Variants in ACACA observed in about 807,000 individuals in gnomAD.
The protein encoded by ACACA is acetyl-CoA carboxylase 1.
Under a neutral mutation model 296.1 loss-of-function variants are expected in ACACA, and 103 were observed. The ratio of observed to expected loss-of-function variants is 0.35; its 90% CI spans 0.30 to 0.41. The LOEUF is 0.41. Among genes scored for constraint, ACACA ranks in the 10% least tolerant of loss-of-function variants. ACACA has a pLI of 1.00. For missense variants in ACACA, 1,554 were observed against 2,989.7 expected (o/e 0.52, Z 11.20); for synonymous variants, 953 against 1,038.6 (o/e 0.92, Z 1.58).
In ACACA at chr17:37,179,273, G is replaced by A. The variant is rs2077231352; in HGVS notation, c.5066C>T (p.Pro1689Leu). Residue 1689 changes from proline to leucine, a missense_variant, in exon 41 of 56, where the codon CCA (proline) becomes CTA (leucine). Transcript: ENST00000616317. ...TCAACTACTTGCCTCATTTCCTCCT[G>A]GAAGCCTGTTCATGTGGACCAGCTG... Reference protein sequence around the residue: ...QGQLVHMNRLPGGNEIGMVAW... With the variant: ...QGQLVHMNRLLGGNEIGMVAW... 6.2e-7 allele frequency: 1 copy of A among 1,613,938 alleles called. No homozygotes were observed. The highest frequency in any genetic ancestry group is 1.1e-5 in the South Asian group (1 of 91,080).
chr17:37,379,072 A>G, intron 1 of ACACA: 17 of 1,520,348 alleles, frequency 1.1e-5, no homozygotes, highest in Non-Finnish European at 1.5e-5. Context: ...GCACCGTCTC[A>G]AAAAAACCAA....
intron 54 of ACACA, among the ~76,000 whole-genome samples, chr17:37,093,169 A>C (rs1468815515): frequency 6.6e-6 from 1 of 152,204 alleles, no homozygotes. Context: ...AGTGGAAATA[A>C]GTGACCCTGT....
rs575054791 is a variant in ACACA, at chr17:37,358,910, G to A, written c.39-19060C>T. On this transcript the variant is annotated intron_variant, in intron 1 of 55. Coordinates refer to ENST00000616317, the MANE Select transcript of ACACA (RefSeq NM_198834.3). ...CCGCGTGCGGGTGAGCGGAGGCTGG[G>A]AGGCGGCCCCCTGCCTGCCGCCGCC... is the stretch of plus-strand genomic sequence containing the variant. The A allele has an allele frequency of 6.8e-5, 67 of 980,738 alleles. 2 individuals are homozygous for A. The South Asian group carries it at 3.1e-3, about 45-fold the overall frequency. The allele number at this position is 980,738 out of a possible 1,614,324, so 60.8% of individuals were successfully genotyped here.
chr17:37,367,992 G>A (rs934453203), intron 1 of ACACA, among the ~76,000 whole-genome samples: 5 of 151,846 alleles, frequency 3.3e-5, no homozygotes, highest in East Asian at 3.9e-4. Context: ...GCTTGAACCC[G>A]GGAGGCGGAG....
chr17:37,269,271 G>A lies in ACACA; in HGVS notation c.1119+1480C>T, dbSNP rs998644267. Reference sequence around the variant, plus strand: ...TTATAGGCATAAGCCACCAATCCTGGCCAAGACAACACCTTTATCACTTCC... The same window carrying A: ...TTATAGGCATAAGCCACCAATCCTGACCAAGACAACACCTTTATCACTTCC... On this transcript the variant is annotated intron_variant, in intron 10 of 55. Transcript: ENST00000616317. Among the ~76,000 whole-genome samples, 4 of 152,062 alleles carry A rather than the reference G, an allele frequency of 2.6e-5. No individual in the cohort carries two copies. The South Asian group carries it at 6.2e-4, about 24-fold the overall frequency.
chr17:37,199,964 G>C (rs955391184), intron 35 of ACACA, among the ~76,000 whole-genome samples, 175 bp downstream of exon 35: 2 of 152,130 alleles, frequency 1.3e-5, no homozygotes, highest in South Asian at 2.1e-4. Context: ...CAATTTTCCT[G>C]ACTCAGCCTC....
chr17:37,211,078 C>T (rs775939059), intron 29 of ACACA, among the ~76,000 whole-genome samples: 3 of 152,116 alleles, frequency 2.0e-5, no homozygotes, highest in Admixed American at 2.0e-4. Flanking sequence ...TACTCTTCCT[C>T]CCATGAAGGA....
At position 37,406,360 on chromosome 17, in the gene ACACA, AAAG is replaced by A. The variant is rs2051509851; in HGVS notation, c.-64_-62del. On this transcript the variant is annotated 5_prime_UTR_variant, in exon 1 of 56. Coordinates refer to ENST00000616317, the MANE Select transcript of ACACA (RefSeq NM_198834.3). ...GCCCAAAGAGGGGATGGTTCTTTCCAAAGAAGACAATTTCGACGTTCCAGGAGC... is the reference window on the plus strand; with the variant it reads ...GCCCAAAGAGGGGATGGTTCTTTCCAAAGACAATTTCGACGTTCCAGGAGC... The A allele has an allele frequency of 6.3e-7, 1 of 1,581,248 alleles. No homozygotes were observed. The highest frequency in any genetic ancestry group is 8.7e-7 in the Non-Finnish European group (1 of 1,150,228).
At chr17:37,112,582 AC>A (rs2074035586) in intron 51 of ACACA, among the ~76,000 whole-genome samples, 1 of 152,048 alleles carries the variant, frequency 6.6e-6, no homozygotes, top group African/African-American at 2.4e-5. Flanking sequence ...AAAATAATAA[AC>A]CCCTAAGTAC....
Position 37,270,680 on chromosome 17 carries a change from TA to T in ACACA, c.1119+70del, listed in dbSNP as rs1477565840. ...AAATATTTTCTGGGCATCCAAATTA[TA>T]GTATGAGTTAAATCATATATCTCTG... On this transcript the variant is annotated intron_variant, in intron 10 of 55. Transcript: ENST00000616317. 2.6e-6 allele frequency: 3 copies of T among 1,163,716 alleles called. No homozygotes were observed. In the African/African-American group the frequency reaches 4.6e-5, roughly 18 times the overall value. The allele number at this position is 1,163,716 out of a possible 1,614,324, so 72.1% of individuals were successfully genotyped here. A position where few individuals can be genotyped will look rare whatever the true frequency, so the allele number is the denominator to read the frequency against.
At chr17:37,286,372 G>T (rs2082772546) in intron 3 of ACACA, among the ~76,000 whole-genome samples, 1 of 152,044 alleles carries the variant, frequency 6.6e-6, no homozygotes, top group African/African-American at 2.4e-5. Flanking sequence ...TGTTCTCTTT[G>T]TAAAATATGC....
intron 25 of ACACA, among the ~76,000 whole-genome samples, chr17:37,228,471 C>G (rs2079661715): frequency 6.6e-6 from 1 of 151,978 alleles, no homozygotes; most frequent in Non-Finnish European, 1.5e-5. Flanking sequence ...TCTGTTCTAC[C>G]TATCCTAGGC....
chr17:37,403,673 C>G (rs1026676051), intron 1 of ACACA, among the ~76,000 whole-genome samples: 1 of 152,170 alleles, frequency 6.6e-6, no homozygotes, highest in Admixed American at 6.6e-5. Context: ...GCACCGTGTC[C>G]TGCCCTCTCC....
At chr17:37,311,863 C>A (rs1320698282) in intron 3 of ACACA, among the ~76,000 whole-genome samples, 13 of 147,340 alleles carry the variant, frequency 8.8e-5, no homozygotes, top group Admixed American at 6.8e-5. Flanking sequence ...CAGAGCAAGA[C>A]CCTGTCTCAA....
At chr17:37,273,069 C>A (rs1242563125) in intron 9 of ACACA, among the ~76,000 whole-genome samples, 1 of 151,978 alleles carries the variant, frequency 6.6e-6, no homozygotes, top group Non-Finnish European at 1.5e-5. Context: ...TACTCTTTTG[C>A]AAATTATAAC....
chr17:37,324,789 C>G (rs8081655), intron 3 of ACACA, among the ~76,000 whole-genome samples: 1,748 of 131,456 alleles, frequency 0.013, 20 homozygotes, highest in Non-Finnish European at 0.022. Context: ...GAGCCGAGAT[C>G]GCACCATTGC....
At chr17:37,386,167 A>T (rs1401933190) in intron 1 of ACACA, 1 of 1,307,932 alleles carries the variant, frequency 7.6e-7, no homozygotes, top group South Asian at 1.3e-5. Context: ...CAGAATAAGT[A>T]GGAGTAAAAT....
intron 3 of ACACA, among the ~76,000 whole-genome samples, chr17:37,310,414 G>A (rs1235542101): frequency 6.6e-6 from 1 of 152,176 alleles, no homozygotes; most frequent in Non-Finnish European, 1.5e-5. Context: ...AACATAACAA[G>A]TGATCTCAGA....
intron 1 of ACACA, among the ~76,000 whole-genome samples, chr17:37,399,241 A>C (rs1286369813): frequency 1.3e-5 from 2 of 152,158 alleles, no homozygotes; most frequent in African/African-American, 4.8e-5. Context: ...TCAGCCTCCC[A>C]AAGTGCTGGG....
Sources: gnomAD v4.1 joint callset for allele counts (sites outside exome capture counted in the v4.1 genomes callset) on GRCh38, gnomAD v4.1.1 for gene constraint, MANE v1.5 for transcripts, NCBI Gene and HGNC (gene_info 2026-07-23, HGNC 2026-07-21) for gene names.